Variants in KIAA1217 observed in about 807,000 individuals in gnomAD.
KIAA1217 encodes KIAA1217, also known as sickle tail protein homolog.
In KIAA1217, 88 loss-of-function variants were observed where a neutral mutation model predicts 163.9. The observed-to-expected ratio is 0.54, with a 90% CI of 0.45 to 0.64. The LOEUF is 0.64. Among genes scored for constraint, KIAA1217 ranks in the 30% least tolerant of loss-of-function variants. The pLI is 0.00. For missense variants in KIAA1217, 2,372 were observed against 2,475.0 expected, an observed-to-expected ratio of 0.96 and a Z score of 0.88; for synonymous variants, 903 against 923.1, an observed-to-expected ratio of 0.98 and a Z score of 0.39.
At chr10:23,734,365 C>A (rs1838663267) in intron 1 of KIAA1217, among the ~76,000 whole-genome samples, 1 of 151,268 alleles carries the variant, frequency 6.6e-6, no homozygotes, top group Admixed American at 6.6e-5. Context: ...CAGCTCACTG[C>A]AACCTCTGCC....
chr10:24,080,785 A>T (rs1024185134), intron 2 of KIAA1217, among the ~76,000 whole-genome samples: 13 of 150,052 alleles, frequency 8.7e-5, no homozygotes, highest in Non-Finnish European at 1.9e-4. Flanking sequence ...CAAGCATTCT[A>T]CTTATACTCT....
rs186531116 is a variant in KIAA1217, at chr10:24,141,421, G to A, written c.-170-78205G>A. Among the ~76,000 whole-genome samples the A allele has an allele frequency of 6.5e-3, 987 of 152,170 alleles. 5 individuals are homozygous for A. The highest frequency in any genetic ancestry group is 0.01 in the Non-Finnish European group (703 of 68,010). The stretch of plus-strand genomic sequence containing the variant: ...ACAGTGTAATCACAAGAAATATGCC[G>A]TAGCAGCAGAATAAATAAAGTCTCA... On this transcript the variant is annotated intron_variant, in intron 2 of 18. Coordinates refer to the KIAA1217 transcript ENST00000376462.
chr10:23,748,065 G>T (rs1394372498), intron 1 of KIAA1217, among the ~76,000 whole-genome samples: 1 of 152,132 alleles, frequency 6.6e-6, no homozygotes, highest in East Asian at 1.9e-4. Context: ...GCACACCTCT[G>T]ACATTCTCAG....
intron 2 of KIAA1217, among the ~76,000 whole-genome samples, chr10:24,281,861 G>A (rs1408543697): frequency 6.6e-6 from 1 of 152,156 alleles, no homozygotes; most frequent in Non-Finnish European, 1.5e-5. Context: ...ATCGAGACCA[G>A]CATGGCTAAC....
At chr10:24,287,596 C>CT (rs1712497064) in intron 2 of KIAA1217, among the ~76,000 whole-genome samples, 2 of 152,194 alleles carry the variant, frequency 1.3e-5, no homozygotes, top group Non-Finnish European at 2.9e-5. Flanking sequence ...AGTCTCAACT[C>CT]TATCACTTCC....
intron 1 of KIAA1217, among the ~76,000 whole-genome samples, chr10:23,883,030 AC>A (rs1368704136): frequency 6.6e-6 from 1 of 151,972 alleles, no homozygotes; most frequent in East Asian, 1.9e-4. Context: ...GATTTGCATT[AC>A]AGTGATAGCT....
At chr10:24,529,192 A>T (rs1374429251) in intron 14 of KIAA1217, among the ~76,000 whole-genome samples, 1 of 152,202 alleles carries the variant, frequency 6.6e-6, no homozygotes, top group Non-Finnish European at 1.5e-5. Context: ...ATCCCTTGGT[A>T]TCCATGGGAG....
chr10:24,104,601 CA>C (rs1240215104), intron 2 of KIAA1217, among the ~76,000 whole-genome samples: 1 of 152,148 alleles, frequency 6.6e-6, no homozygotes, highest in Non-Finnish European at 1.5e-5. Context: ...TACAGGTAAT[CA>C]TACATTTGTC....
chr10:23,783,301 G>A (rs1182167586), intron 1 of KIAA1217, among the ~76,000 whole-genome samples: 3 of 152,126 alleles, frequency 2.0e-5, no homozygotes, highest in Non-Finnish European at 4.4e-5. Context: ...GACACAGGTT[G>A]GACAACCTTG....
At chr10:24,487,731 G>A (rs12258638) in intron 6 of KIAA1217, among the ~76,000 whole-genome samples, 1,914 of 152,228 alleles carry the variant, frequency 0.013, 41 homozygotes, top group South Asian at 0.047. Flanking sequence ...CCCTTTGTTA[G>A]GTTACAGACT....
intron 2 of KIAA1217, among the ~76,000 whole-genome samples, chr10:24,034,859 C>G (rs983102050): frequency 6.6e-6 from 1 of 152,152 alleles, no homozygotes; most frequent in South Asian, 2.1e-4. Flanking sequence ...TGTTGTTCTC[C>G]CAGATCAGAG....
In KIAA1217 at chr10:24,543,584, G is replaced by A. The variant is rs2075361440; in HGVS notation, c.4314G>A (p.Leu1438=). ...ACAATGAGGATCCAGTCGTGTGCCT[G>A]GACAAGAAACCAGTGATCATCATTT... ...GTDNEDPVVC[L]DKKPVIIIFD... Residue 1438 remains leucine (L), a synonymous_variant, in exon 19 of 21, where the codon CTG becomes CTA. Coordinates refer to ENST00000376454, the MANE Select transcript of KIAA1217 (RefSeq NM_019590.5). 1.9e-6 allele frequency: 3 copies of A among 1,614,074 alleles called. No individual in the cohort carries two copies. Among genetic ancestry groups the A allele is most frequent in the Non-Finnish European group, 2.5e-6 (3 of 1,180,024 alleles).
At chr10:24,358,919 T>C (rs1372345142) in intron 2 of KIAA1217, among the ~76,000 whole-genome samples, 1 of 152,158 alleles carries the variant, frequency 6.6e-6, no homozygotes, top group Non-Finnish European at 1.5e-5. Context: ...CTCCTTACTT[T>C]GACCCATGAG....
chr10:23,893,214 TC>T (rs763642118), intron 1 of KIAA1217, among the ~76,000 whole-genome samples: 1 of 152,082 alleles, frequency 6.6e-6, no homozygotes, highest in Non-Finnish European at 1.5e-5. Context: ...CCTGGTTTAG[TC>T]TTGGGAGGGT....
chr10:24,505,275 G>C (rs879644447), intron 9 of KIAA1217, among the ~76,000 whole-genome samples: 5 of 149,852 alleles, frequency 3.3e-5, no homozygotes, highest in Non-Finnish European at 7.4e-5. Flanking sequence ...GCTACATTTG[G>C]TATGAGAGCT....
rs149639465 is a variant in KIAA1217 at position 24,016,816 on chromosome 10, G to A, written c.-171+9442G>A. Among the ~76,000 whole-genome samples, 1,197 of 151,828 alleles carry A rather than the reference G, an allele frequency of 7.9e-3. 20 individuals carry two copies. The highest frequency in any genetic ancestry group is 0.028 in the African/African-American group (1,150 of 41,432). Reference sequence around the variant, plus strand: ...TACATTTATTTTAAGGATTGAACATGATAAAATATATAAAGCACTAAAACT... The same window carrying A: ...TACATTTATTTTAAGGATTGAACATAATAAAATATATAAAGCACTAAAACT... On this transcript the variant is annotated intron_variant, in intron 2 of 18. Coordinates refer to the KIAA1217 transcript ENST00000376462.
chr10:24,050,591 G>A (rs1356310274), intron 2 of KIAA1217, among the ~76,000 whole-genome samples: 1 of 152,068 alleles, frequency 6.6e-6, no homozygotes, highest in Admixed American at 6.5e-5. Context: ...TTTGTGTCAG[G>A]TTTGTCAAAG....
intron 2 of KIAA1217, among the ~76,000 whole-genome samples, chr10:24,145,101 T>G (rs997194394): frequency 2.6e-5 from 4 of 152,256 alleles, no homozygotes; most frequent in African/African-American, 7.2e-5. Context: ...GTTTCAGGGT[T>G]GCATAGAGAG....
intron 1 of KIAA1217, among the ~76,000 whole-genome samples, chr10:23,755,912 C>G (rs546091750): frequency 6.6e-6 from 1 of 151,838 alleles, no homozygotes; most frequent in Admixed American, 6.6e-5. Flanking sequence ...TAACCAATAC[C>G]TTTGGTTATT....
Sources: gnomAD v4.1 joint callset for allele counts (sites outside exome capture counted in the v4.1 genomes callset) on GRCh38, gnomAD v4.1.1 for gene constraint, MANE v1.5 for transcripts, NCBI Gene and HGNC (gene_info 2026-07-23, HGNC 2026-07-21) for gene names.